Variants in KIF17 observed in about 807,000 individuals in gnomAD.
The protein encoded by KIF17 is kinesin-like protein KIF17.
Under a neutral mutation model 96.8 loss-of-function variants are expected in KIF17, and 80 were observed. The ratio of observed to expected loss-of-function variants is 0.83; its 90% CI spans 0.69 to 1.00. The LOEUF is 1.00. Ranked by LOEUF, KIF17 falls within the 50% of genes least tolerant of loss-of-function variation. The pLI is 0.00. For missense variants in KIF17, 1,280 were observed against 1,372.9 expected, an observed-to-expected ratio of 0.93 and a Z score of 1.07; for synonymous variants, 567 against 587.5, an observed-to-expected ratio of 0.97 and a Z score of 0.51.
At chr1:20,669,491 G>A (rs867648837) in intron 13 of KIF17, among the ~76,000 whole-genome samples, 3 of 150,232 alleles carry the variant, frequency 2.0e-5, no homozygotes, top group South Asian at 2.1e-4. Context: ...AGCCGAGATC[G>A]CACCACTGCA....
intron 5 of KIF17, among the ~76,000 whole-genome samples, chr1:20,702,423 C>T (rs1390437645): frequency 6.6e-6 from 1 of 152,198 alleles, no homozygotes; most frequent in Admixed American, 6.5e-5. Context: ...CCGAGCCTCC[C>T]CCACTCCCTC....
intron 6 of KIF17, among the ~76,000 whole-genome samples, chr1:20,695,878 G>A (rs2054129459): frequency 6.6e-6 from 1 of 152,164 alleles, no homozygotes; most frequent in African/African-American, 2.4e-5. Context: ...CCTCCGGCTA[G>A]AGTGTCCAGC....
intron 11 of KIF17, among the ~76,000 whole-genome samples, chr1:20,679,389 A>C (rs2053791646): frequency 6.6e-6 from 1 of 152,204 alleles, no homozygotes; most frequent in Non-Finnish European, 1.5e-5. Context: ...CTGAGGCAGG[A>C]GGATTTCTTG....
chr1:20,667,560 C>G (rs1039935394), intron 13 of KIF17, among the ~76,000 whole-genome samples: 1 of 152,186 alleles, frequency 6.6e-6, no homozygotes, highest in Non-Finnish European at 1.5e-5. Context: ...AAATTGTCTT[C>G]CACGAAACTG....
At chr1:20,686,319 C>CG (rs3215777) in intron 8 of KIF17, 193 bp from the exon 9 acceptor site, 42,045 of 640,716 alleles carry the variant, frequency 0.066, 2,741 homozygotes, top group East Asian at 0.3. Context: ...AGAGAGGAAA[C>CG]GGAAGACAGG....
chr1:20,682,607 C>A (rs2053848587), intron 11 of KIF17, 46 bp downstream of exon 11: 1 of 1,570,504 alleles, frequency 6.4e-7, no homozygotes, highest in East Asian at 2.2e-5. Flanking sequence ...GGGGGTCTCA[C>A]CCATCTCTGG....
At chr1:20,681,423 C>T (rs1322952315) in intron 11 of KIF17, among the ~76,000 whole-genome samples, 1 of 151,850 alleles carries the variant, frequency 6.6e-6, no homozygotes, top group African/African-American at 2.4e-5. Flanking sequence ...AACTCCTGAC[C>T]TCCAGTGACC....
In KIF17 at chr1:20,664,380, T is replaced by C; in HGVS notation, c.*204A>G. 1 of 1,468,304 alleles carries C rather than the reference T, an allele frequency of 6.8e-7. No homozygotes were observed. The highest frequency in any genetic ancestry group is 9.0e-7 in the Non-Finnish European group (1 of 1,114,804). 91.0% of individuals were successfully genotyped at this position (1,468,304 alleles called of 1,614,324 possible). A position where few individuals can be genotyped will look rare whatever the true frequency, so the allele number is the denominator to read the frequency against. On this transcript the variant is annotated 3_prime_UTR_variant, in exon 15 of 15. Coordinates refer to ENST00000400463, the MANE Select transcript of KIF17 (RefSeq NM_001122819.3). ...TGGAGCAGGCCTCTCTAAGGAGGAC[T>C]ATACAGCCTCCGAGGGGCTCCTGCC...
intron 13 of KIF17, among the ~76,000 whole-genome samples, chr1:20,668,289 A>C (rs755205871): frequency 2.0e-5 from 3 of 151,960 alleles, no homozygotes; most frequent in Non-Finnish European, 4.4e-5. Flanking sequence ...CAGCCTGGGT[A>C]ACAGAGCAAG....
intron 11 of KIF17, among the ~76,000 whole-genome samples, chr1:20,678,173 TCAGAAC>T (rs1298455984): frequency 6.6e-6 from 1 of 151,804 alleles, no homozygotes; most frequent in Non-Finnish European, 1.5e-5. Flanking sequence ...AAAAGGAAAA[TCAGAAC>T]CAAGAGAAAG....
rs1304110608 is a variant in KIF17, at chr1:20,699,270, T to C, written c.1124-782A>G. On this transcript the variant is annotated intron_variant, in intron 5 of 14. Transcript: ENST00000400463. This position sits in a 1 kb window ranked among gnomAD's most constrained non-coding sequence, Gnocchi z 4.3. ...GGCCCAAGTTGCCATTTAAATAGTG[T>C]GTTAGGCTGGGCACAGTGTCTCATG... Among the ~76,000 whole-genome samples the C allele has an allele frequency of 6.6e-6, 1 of 152,112 alleles. No homozygotes were observed. The highest frequency in any genetic ancestry group is 2.4e-5 in the African/African-American group (1 of 41,440).
At chr1:20,682,188 C>T (rs1430413987) in intron 11 of KIF17, among the ~76,000 whole-genome samples, 4 of 152,110 alleles carry the variant, frequency 2.6e-5, no homozygotes, top group Non-Finnish European at 5.9e-5. Context: ...ACAACATACC[C>T]GCATGCGTGC....
downstream of KIF17, among the ~76,000 whole-genome samples, chr1:20,663,680 C>T (rs1311899847): frequency 6.6e-6 from 1 of 152,204 alleles, no homozygotes; most frequent in Non-Finnish European, 1.5e-5. Flanking sequence ...AACAGGGTGG[C>T]CTGGATTCAT....
rs1201540771 is a variant in KIF17, at chr1:20,685,825, T to A, written c.2019+221A>T. ...GCTAAGGAAGGTTTGAAAGCCACCATCTAGAACAACAGGCCACTTTCACTC... is the reference window on the plus strand; with the variant it reads ...GCTAAGGAAGGTTTGAAAGCCACCAACTAGAACAACAGGCCACTTTCACTC... On this transcript the variant is annotated intron_variant, in intron 9 of 14. Coordinates refer to ENST00000400463, the MANE Select transcript of KIF17 (RefSeq NM_001122819.3). This position sits in a 1 kb window ranked among gnomAD's most constrained non-coding sequence, Gnocchi z 4.1. 6.6e-6 allele frequency among the ~76,000 whole-genome samples: 1 copy of A among 152,164 alleles called. No individual in the cohort carries two copies. The highest frequency in any genetic ancestry group is 6.5e-5 in the Admixed American group (1 of 15,270).
chr1:20,694,446 T>C (rs748989401), intron 6 of KIF17, among the ~76,000 whole-genome samples: 19 of 152,132 alleles, frequency 1.2e-4, no homozygotes, highest in Non-Finnish European at 2.5e-4. Flanking sequence ...CTGACACACA[T>C]GGCTCAAGAG....
At chr1:20,675,509 T>C (rs901121436) in intron 11 of KIF17, among the ~76,000 whole-genome samples, 6 of 152,136 alleles carry the variant, frequency 3.9e-5, no homozygotes, top group African/African-American at 1.4e-4. Context: ...GGATGCTCAT[T>C]TGTATTCCTT....
chr1:20,701,075 G>A (rs1396374995), intron 5 of KIF17, among the ~76,000 whole-genome samples: 4 of 152,170 alleles, frequency 2.6e-5, no homozygotes, highest in Non-Finnish European at 5.9e-5. Context: ...GGAGCACTGT[G>A]AGTCACGATG....
In KIF17 at chr1:20,717,876, G is replaced by A. The variant is rs1216784314; in HGVS notation, c.-170C>T. The A allele has an allele frequency of 3.6e-5, 14 of 385,936 alleles. No individual in the cohort carries two copies. Among genetic ancestry groups the A allele is most frequent in the Admixed American group, 5.6e-5 (1 of 17,906 alleles). 23.9% of individuals were successfully genotyped at this position (385,936 alleles called of 1,614,324 possible). On this transcript the variant is annotated 5_prime_UTR_variant, in exon 1 of 15. Transcript: ENST00000400463. ...ACCCCTCGGGGGGCGCCCCGGAGGG[G>A]AGCTGGGCGTCGCAGGACCCGAGCC...
intron 13 of KIF17, among the ~76,000 whole-genome samples, chr1:20,666,623 C>T (rs1303754752): frequency 6.6e-6 from 1 of 152,196 alleles, no homozygotes; most frequent in Non-Finnish European, 1.5e-5. Flanking sequence ...AAGCTCAAAA[C>T]AGGGTGTCCT....
Sources: gnomAD v4.1 joint callset for allele counts (sites outside exome capture counted in the v4.1 genomes callset) on GRCh38, gnomAD v4.1.1 for gene constraint, Gnocchi (gnomAD v3.1) non-coding constraint, MANE v1.5 for transcripts, NCBI Gene and HGNC (gene_info 2026-07-23, HGNC 2026-07-21) for gene names.